The following MEX3D variants were observed in gnomAD, a reference collection of about 807,000 sequenced individuals.
MEX3D encodes the protein mex-3 RNA binding family member D.
Under a neutral mutation model 6.3 loss-of-function variants are expected in MEX3D, and 4 were observed. That is an observed-to-expected ratio of 0.64 (90% CI 0.31 to 1.46). The LOEUF is 1.46. Ranked by LOEUF, MEX3D falls within the 40% of genes most tolerant of loss-of-function variation. MEX3D has a pLI of 0.07. For synonymous variants in MEX3D, 626 were observed against 494.1 expected (o/e 1.27, Z -3.54); for missense variants, 1,038 against 994.4 (o/e 1.04, Z -0.59).
Position 1,555,143 on chromosome 19 carries a change from G to A in MEX3D, c.*420C>T, listed in dbSNP as rs1271904264. ...TGGAACGTCTGTGCGGCCTGAGACC[G>A]GCCGGCGAGAAAAGTCAAATCAGAA... On this transcript the variant is annotated 3_prime_UTR_variant, in exon 2 of 2. Coordinates refer to ENST00000402693, the MANE Select transcript of MEX3D (RefSeq NM_203304.4). 9.1e-6 allele frequency: 4 copies of A among 441,362 alleles called. No individual in the cohort carries two copies. The highest frequency in any genetic ancestry group is 1.2e-5 in the Non-Finnish European group (3 of 260,570). 27.3% of individuals were successfully genotyped at this position (441,362 alleles called of 1,614,324 possible). A position where few individuals can be genotyped will look rare whatever the true frequency, so the allele number is the denominator to read the frequency against.
chr19:1,565,310 G>A (rs1914811965), intron 1 of MEX3D, among the ~76,000 whole-genome samples: 1 of 152,198 alleles, frequency 6.6e-6, no homozygotes, highest in Non-Finnish European at 1.5e-5. Context: ...GGGAGGTGGA[G>A]GTGGGCGGAT....
intron 1 of MEX3D, among the ~76,000 whole-genome samples, chr19:1,559,266 G>A (rs541000837): frequency 4.6e-5 from 7 of 151,896 alleles, no homozygotes; most frequent in African/African-American, 1.2e-4. Context: ...TGAGTAGCTG[G>A]GATTACAGGC....
Position 1,563,790 on chromosome 19 carries a change from G to A in MEX3D, c.595+3674C>T, listed in dbSNP as rs554044158. ...TTTGCTGACCCACCAGAGAAACTGG[G>A]TTTGAATCCCAGCCCATGATTTTTG... On this transcript the variant is annotated intron_variant, in intron 1 of 1. Transcript: ENST00000402693. Among the ~76,000 whole-genome samples the A allele has an allele frequency of 6.6e-5, 10 of 152,202 alleles. No individual in the cohort carries two copies. The East Asian group carries it at 1.9e-3, about 29-fold the overall frequency.
In MEX3D at chr19:1,559,774, C is replaced by T. The variant is rs559343801; in HGVS notation, c.596-2851G>A. Among the ~76,000 whole-genome samples, 41 of 152,282 alleles carry T rather than the reference C, an allele frequency of 2.7e-4. No individual in the cohort carries two copies. In the South Asian group the frequency reaches 7.3e-3, roughly 27 times the overall value. ...CTGCCTGGGCCAGGAAGATGGAAGG[C>T]GTGGGACCTGGAGGCTGGTGGTCCC... On this transcript the variant is annotated intron_variant, in intron 1 of 1. Transcript: ENST00000402693.
chr19:1,568,287 C>CGGCGGCGGCGGCTCCTCGGCGGCCGA lies in MEX3D; in HGVS notation c.-255_-230dup, dbSNP rs895811931. Among the ~76,000 whole-genome samples the CGGCGGCGGCGGCTCCTCGGCGGCCGA allele has an allele frequency of 7.2e-6, 1 of 138,750 alleles. No homozygotes were observed. Among genetic ancestry groups the CGGCGGCGGCGGCTCCTCGGCGGCCGA allele is most frequent in the East Asian group, 2.3e-4 (1 of 4,314 alleles). 91.0% of individuals were successfully genotyped at this position (138,750 alleles called of 152,430 possible). Reference sequence around the variant, plus strand: ...GGCTGCGGCTCGGCGGCGGCGGCGACGGCGGCGGCGGCTCCTCGGCGGCCG... The same window carrying CGGCGGCGGCGGCTCCTCGGCGGCCGA: ...GGCTGCGGCTCGGCGGCGGCGGCGACGGCGGCGGCGGCTCCTCGGCGGCCGAGGCGGCGGCGGCTCCTCGGCGGCCG... On this transcript the variant is annotated 5_prime_UTR_variant, in exon 1 of 2. Transcript: ENST00000402693.
In MEX3D at chr19:1,555,938, G is replaced by T. The variant is rs1427872139; in HGVS notation, c.1581C>A (p.Leu527=). 2 of 1,184,520 alleles carry T rather than the reference G, an allele frequency of 1.7e-6. No homozygotes were observed. Among genetic ancestry groups the T allele is most frequent in the Non-Finnish European group, 2.1e-6 (2 of 957,866 alleles). 73.4% of individuals were successfully genotyped at this position (1,184,520 alleles called of 1,614,324 possible). The change falls in exon 2 of 2, where the codon CTC becomes CTA. Residue 527 remains leucine, a synonymous_variant. Coordinates refer to ENST00000402693, the MANE Select transcript of MEX3D (RefSeq NM_203304.4). ...CCGGGGCGCCACGGCGAGACAGCGGGAGCTCCAGGCGGAGGCCGCCGGGCT... is the reference window on the plus strand; with the variant it reads ...CCGGGGCGCCACGGCGAGACAGCGGTAGCTCCAGGCGGAGGCCGCCGGGCT... The part of the protein sequence containing the change: ...LPEPGGLRLE[L]PLSRRGAPDP...
At position 1,567,997 on chromosome 19, in the gene MEX3D, ACGCCGC is replaced by A. The variant is rs1032675165; in HGVS notation, c.56_61del (p.Gly19_Gly20del). 17 of 965,276 alleles carry A rather than the reference ACGCCGC, an allele frequency of 1.8e-5. No homozygotes were observed. The highest frequency in any genetic ancestry group is 1.3e-4 in the East Asian group (1 of 7,652). 59.8% of individuals were successfully genotyped at this position (965,276 alleles called of 1,614,324 possible). ...TCCGGGGTCCTCCCCCGCCGCCCCC[ACGCCGC>A]CGCCGCCGCCGCCCCCGCCCCCGCC... On this transcript the variant is annotated inframe_deletion, in exon 1 of 2. Transcript: ENST00000402693. The surrounding 1 kb of genome is among the most constrained non-coding windows in gnomAD (Gnocchi z 6.5).
rs1015389625 is a variant in MEX3D at position 1,554,811 on chromosome 19, T to A, written c.*752A>T. 6.6e-6 allele frequency: 1 copy of A among 152,186 alleles called. No homozygotes were observed. Among genetic ancestry groups the A allele is most frequent in the Non-Finnish European group, 1.5e-5 (1 of 68,006 alleles). 9.4% of individuals were successfully genotyped at this position (152,186 alleles called of 1,614,324 possible). ...CTGTGTAAGATTAAAGGTCCATTAC[T>A]TTATTTAAAATAAAATATATTTTAG... On this transcript the variant is annotated 3_prime_UTR_variant, in exon 2 of 2. Transcript: ENST00000402693.
chr19:1,559,014 T>C (rs767925880), intron 1 of MEX3D, among the ~76,000 whole-genome samples: 1 of 151,630 alleles, frequency 6.6e-6, no homozygotes, highest in African/African-American at 2.4e-5. Context: ...TTTGAGATTA[T>C]CTCACTCTTG....
chr19:1,555,430 C>CGG lies in MEX3D; in HGVS notation c.*132_*133insCC. The stretch of plus-strand genomic sequence containing the variant: ...AAGCTCATCTGTAAACACTGGCCGC[C>CGG]GCCCACCCCCCTGCCCCCTCGGCCT... On this transcript the variant is annotated 3_prime_UTR_variant, in exon 2 of 2. Coordinates refer to ENST00000402693, the MANE Select transcript of MEX3D (RefSeq NM_203304.4). 2.5e-5 allele frequency: 38 copies of CGG among 1,527,302 alleles called. No homozygotes were observed. The highest frequency in any genetic ancestry group is 2.4e-5 in the Non-Finnish European group (27 of 1,136,208). 94.6% of individuals were successfully genotyped at this position (1,527,302 alleles called of 1,614,324 possible). A position where few individuals can be genotyped will look rare whatever the true frequency, so the allele number is the denominator to read the frequency against.
intron 1 of MEX3D, among the ~76,000 whole-genome samples, chr19:1,562,255 C>T (rs1419119953): frequency 6.3e-4 from 85 of 135,652 alleles, no homozygotes; most frequent in African/African-American, 2.1e-3. Context: ...AGTGAGACTC[C>T]GTCTCAAAAA....
intron 1 of MEX3D, among the ~76,000 whole-genome samples, chr19:1,564,432 C>T (rs907366166): frequency 7.9e-5 from 12 of 150,950 alleles, no homozygotes; most frequent in African/African-American, 2.7e-4. Context: ...ACTAGGGGGG[C>T]TGAGGCAGGA....
At chr19:1,559,412 C>T (rs921297174) in intron 1 of MEX3D, among the ~76,000 whole-genome samples, 7 of 152,008 alleles carry the variant, frequency 4.6e-5, no homozygotes, top group African/African-American at 1.5e-4. Context: ...GGATTACAGG[C>T]GTGAGCCACC....
rs1037656157 is a variant in MEX3D, at chr19:1,567,888, G to C, written c.171C>G (p.Ala57=). The change falls in exon 1 of 2, where the codon GCC becomes GCG. Residue 57 remains alanine, a synonymous_variant. Transcript: ENST00000402693. The surrounding 1 kb of genome is among the most constrained non-coding windows in gnomAD (Gnocchi z 6.5). ...GCTGGTCCAGCGCCAGGCGGAGCGC[G>C]GCGGCCGCGTCGTCGGGTTCGGGCG... The part of the protein sequence containing the change: ...RPPPEPDDAA[A]ALRLALDQLS... The C allele has an allele frequency of 5.1e-6, 5 of 982,672 alleles. No homozygotes were observed. The South Asian group carries it at 1.4e-4, about 27-fold the overall frequency. The allele number at this position is 982,672 out of a possible 1,614,324, so 60.9% of individuals were successfully genotyped here.
chr19:1,567,618 G>T lies in MEX3D; in HGVS notation c.441C>A (p.Phe147Leu). Residue 147 changes from phenylalanine (F) to leucine (L), a missense_variant, in exon 1 of 2, where the codon TTC (phenylalanine) becomes TTA (leucine). Physicochemically the swap from Phe to Leu is conservative, Grantham distance 22. Coordinates refer to ENST00000402693, the MANE Select transcript of MEX3D (RefSeq NM_203304.4). This position sits in a 1 kb window ranked among gnomAD's most constrained non-coding sequence, Gnocchi z 6.5. ...CCGCGGGGTGGGGCGCGAAGCCCGC[G>T]AACACGTCGGGGGGCGACGGCCGGG... ...PPPRPSPPDV[F>L]AGFAPHPAAL... 1 of 1,394,366 alleles carries T rather than the reference G, an allele frequency of 7.2e-7. No homozygotes were observed. 86.4% of individuals were successfully genotyped at this position (1,394,366 alleles called of 1,614,324 possible).
rs568777597 is a variant in MEX3D, at chr19:1,566,617, G to A, written c.595+847C>T. On this transcript the variant is annotated intron_variant, in intron 1 of 1. Coordinates refer to ENST00000402693, the MANE Select transcript of MEX3D (RefSeq NM_203304.4). ...GGAAGGCAGGAGAAAGTTGAGGGAG[G>A]CAGGCGGGCGGGTGGCTAACGGGGT... Among the ~76,000 whole-genome samples, 186 of 152,212 alleles carry A rather than the reference G, an allele frequency of 1.2e-3. 1 individual carries two copies. The highest frequency in any genetic ancestry group is 4.3e-3 in the African/African-American group (177 of 41,520).
At position 1,564,676 on chromosome 19, in the gene MEX3D, G is replaced by C. The variant is rs145996071; in HGVS notation, c.595+2788C>G. ...AGGATCAAGAGAACTGAAGCTCAGA[G>C]AACAGCACGTAGCTACTGGGGAGAG... is the stretch of plus-strand genomic sequence containing the variant. On this transcript the variant is annotated intron_variant, in intron 1 of 1. Transcript: ENST00000402693. Among the ~76,000 whole-genome samples, 1,402 of 152,128 alleles carry C rather than the reference G, an allele frequency of 9.2e-3. 23 individuals are homozygous for C. The highest frequency in any genetic ancestry group is 0.032 in the African/African-American group (1,316 of 41,530).
Position 1,555,563 on chromosome 19 carries a change from C to A in MEX3D, c.1956G>T (p.Ter652TyrextTer95). The A allele has an allele frequency of 6.3e-7, 1 of 1,576,956 alleles. No individual in the cohort carries two copies. The highest frequency in any genetic ancestry group is 1.2e-5 in the South Asian group (1 of 86,102). The change falls in exon 2 of 2, where the codon TAG becomes TAT. Residue 652 changes from the stop codon to tyrosine, a stop_lost. Transcript: ENST00000402693. The stretch of plus-strand genomic sequence containing the variant: ...CCCCGGCCACGTGGTGGTCCGCGCT[C>A]TAGGAAAAGATATGAATGGCCTGGG... Reference protein sequence around the residue: ...PATQAIHIFS* With the variant: ...PATQAIHIFSY
intron 1 of MEX3D, among the ~76,000 whole-genome samples, chr19:1,557,732 A>C (rs1390274390): frequency 1.3e-5 from 2 of 151,180 alleles, no homozygotes; most frequent in Admixed American, 6.6e-5. Flanking sequence ...GGTGGCAGGC[A>C]TCTGTAGTCC....
Sources: allele counts gnomAD v4.1 joint callset (sites outside exome capture counted in the v4.1 genomes callset), GRCh38; gene constraint gnomAD v4.1.1; non-coding constraint Gnocchi (gnomAD v3.1); transcripts MANE v1.5; gene names NCBI Gene and HGNC (gene_info 2026-07-23, HGNC 2026-07-21).